Variants in TRIM68 observed in about 807,000 individuals in gnomAD.
TRIM68 encodes the protein E3 ubiquitin-protein ligase TRIM68.
A neutral mutation model predicts 41.9 loss-of-function variants in TRIM68; 36 were observed. That is an observed-to-expected ratio of 0.86 (90% CI 0.66 to 1.14). The LOEUF (loss-of-function observed/expected upper bound fraction) is 1.14. Among genes scored for constraint, TRIM68 ranks in the 50% most tolerant of loss-of-function variants. The pLI, the probability that TRIM68 is intolerant of heterozygous loss-of-function variation, is 0.00. For synonymous variants in TRIM68, 225 were observed against 224.6 expected (o/e 1.00, Z -0.02); for missense variants, 632 against 605.1 (o/e 1.04, Z -0.47).
chr11:4,600,533 C>T lies in TRIM68; in HGVS notation c.1201G>A (p.Gly401Arg), dbSNP rs780475711. ...YGFWVIRLRK[G>R]NEYRAGTDEY... ...TCGGTGCCTGCTCGGTACTCATTTC[C>T]CTTCCTCAGCCTTATCACCCAGAAT... Residue 401 changes from glycine to arginine, a missense_variant, in exon 7 of 7, where the codon GGA becomes AGA. Physicochemically the swap from Gly to Arg is moderately radical, Grantham distance 125 (BLOSUM62 -2). Transcript: ENST00000300747. 14 of 1,614,046 alleles carry T rather than the reference C, an allele frequency of 8.7e-6. No individual in the cohort carries two copies. The highest frequency in any genetic ancestry group is 1.1e-5 in the Non-Finnish European group (13 of 1,179,986).
intron 1 of TRIM68, among the ~76,000 whole-genome samples, chr11:4,605,976 G>T (rs1275790612): frequency 6.6e-6 from 1 of 152,164 alleles, no homozygotes; most frequent in Non-Finnish European, 1.5e-5. Context: ...TCACTCTCTG[G>T]TATGTTTATA....
At chr11:4,603,927 C>A (rs1054732298) in intron 2 of TRIM68, among the ~76,000 whole-genome samples, 1 of 152,166 alleles carries the variant, frequency 6.6e-6, no homozygotes, top group Admixed American at 6.5e-5. Context: ...AAAATAGCAA[C>A]TATTTTGTTA....
At chr11:4,601,566 G>T in intron 5 of TRIM68, 98 bp downstream of exon 5, 2 of 1,314,102 alleles carry the variant, frequency 1.5e-6, no homozygotes, top group Non-Finnish European at 2.2e-6. Context: ...CTGCTTTTCT[G>T]TGTGCACCGA....
At position 4,605,006 on chromosome 11, in the gene TRIM68, G is replaced by C. The variant is rs1489433690; in HGVS notation, c.426+73C>G. ...TAGCTCTCAGTCTGTGGTGCTGGTG[G>C]TCAAGCCCTTGATCTAGAAACAGCC... On this transcript the variant is annotated intron_variant, in intron 2 of 6. Coordinates refer to ENST00000300747, the MANE Select transcript of TRIM68 (RefSeq NM_018073.8). 2.0e-6 allele frequency: 3 copies of C among 1,537,724 alleles called. No individual in the cohort carries two copies. The African/African-American group carries it at 4.1e-5, about 21-fold the overall frequency.
intron 1 of TRIM68, among the ~76,000 whole-genome samples, 191 bp downstream of exon 1, chr11:4,607,836 C>A (rs1846591069): frequency 6.6e-6 from 1 of 152,072 alleles, no homozygotes; most frequent in East Asian, 1.9e-4. Flanking sequence ...GAGAAGGGGG[C>A]GGGGCCTGGA....
Position 4,602,185 on chromosome 11 carries a change from C to T in TRIM68, c.750G>A (p.Glu250=). ...VLWRMIAELK[E]RSQRPVRWML... ...TCCAGCGGACAGGCCTCTGCGACCT[C>T]TCTTTCAACTCTGCAATCATCCTCC... Residue 250 remains glutamate (E), a synonymous_variant, in exon 4 of 7, where the codon GAG becomes GAA. Transcript: ENST00000300747. 1.2e-6 allele frequency: 2 copies of T among 1,614,178 alleles called. No homozygotes were observed. The highest frequency in any genetic ancestry group is 1.7e-6 in the Non-Finnish European group (2 of 1,180,020).
At chr11:4,603,016 G>T (rs76644062) in intron 3 of TRIM68, among the ~76,000 whole-genome samples, 5,748 of 152,280 alleles carry the variant, frequency 0.038, 138 homozygotes, top group Non-Finnish European at 0.061. Context: ...TTCTCATATA[G>T]GAGGATACAA....
In TRIM68 at chr11:4,605,318, G is replaced by A. The variant is rs779552157; in HGVS notation, c.187C>T (p.Pro63Ser). 3.7e-6 allele frequency: 6 copies of A among 1,614,256 alleles called. No individual in the cohort carries two copies. The South Asian group carries it at 5.5e-5, about 15-fold the overall frequency. ...WGYTCPLCRA[P>S]VQPRNLRPNW... ...GGCCGCAGGTTCCTTGGCTGGACAGGAGCTCGACAGAGGGGACAGGTGTAA... is the reference window on the plus strand; with the variant it reads ...GGCCGCAGGTTCCTTGGCTGGACAGAAGCTCGACAGAGGGGACAGGTGTAA... Residue 63 changes from proline to serine, a missense_variant, in exon 2 of 7, where the codon CCT becomes TCT. By Grantham distance (74) the Pro-to-Ser change is moderately conservative. Coordinates refer to ENST00000300747, the MANE Select transcript of TRIM68 (RefSeq NM_018073.8).
At chr11:4,604,693 C>G (rs1219945921) in intron 2 of TRIM68, among the ~76,000 whole-genome samples, 1 of 152,206 alleles carries the variant, frequency 6.6e-6, no homozygotes, top group African/African-American at 2.4e-5. Flanking sequence ...TGACTACTTG[C>G]AGCACTGCTA....
chr11:4,606,767 A>T (rs1316886547), intron 1 of TRIM68, among the ~76,000 whole-genome samples: 1 of 152,230 alleles, frequency 6.6e-6, no homozygotes, highest in Admixed American at 6.5e-5. Context: ...TATCTTGGGC[A>T]AATTTCTTAA....
intron 2 of TRIM68, among the ~76,000 whole-genome samples, chr11:4,604,660 G>A (rs1209604485): frequency 6.6e-6 from 1 of 152,164 alleles, no homozygotes; most frequent in Non-Finnish European, 1.5e-5. Flanking sequence ...ATGAAGGAGG[G>A]AAGTGATCCA....
intron 3 of TRIM68, 134 bp downstream of exon 3, chr11:4,603,111 A>C (rs1233337107): frequency 1.2e-6 from 1 of 825,442 alleles, no homozygotes; most frequent in African/African-American, 1.7e-5. Flanking sequence ...CAGAGAAAGC[A>C]GGGATTAGAA....
chr11:4,600,472 C>A lies in TRIM68; in HGVS notation c.1262G>T (p.Arg421Leu), dbSNP rs143749633. 4 of 1,613,142 alleles carry A rather than the reference C, an allele frequency of 2.5e-6. No individual in the cohort carries two copies. Among genetic ancestry groups the A allele is most frequent in the Non-Finnish European group, 2.5e-6 (3 of 1,179,504 alleles). The change falls in exon 7 of 7, where the codon CGC becomes CTC. Residue 421 changes from arginine to leucine, a missense_variant. Physicochemically the swap from Arg to Leu is moderately radical, Grantham distance 102. Coordinates refer to ENST00000300747, the MANE Select transcript of TRIM68 (RefSeq NM_018073.8). ...ATAATCCACGAAGATTCCCACCCGG[C>A]GAGGAGGGACCGGCAAGGACAGGAT... ...YPILSLPVPP[R>L]RVGIFVDYEA... is the part of the protein sequence containing the mutation.
chr11:4,601,627 A>G, intron 5 of TRIM68, 37 bp downstream of exon 5: 1 of 1,613,236 alleles, frequency 6.2e-7, no homozygotes, highest in Non-Finnish European at 8.5e-7. Context: ...ACTATCCCCT[A>G]CAGGGCTGCT....
Position 4,599,961 on chromosome 11 carries a change from G to A in TRIM68, c.*315C>T. On this transcript the variant is annotated 3_prime_UTR_variant, in exon 7 of 7. Transcript: ENST00000300747. ...CCGGACGGGAATCAGGGAAGAGGGT[G>A]GTTGGCTACTACATGGACAAAGTCC... 1 of 248,154 alleles carries A rather than the reference G, an allele frequency of 4.0e-6. No homozygotes were observed. Among genetic ancestry groups the A allele is most frequent in the Non-Finnish European group, 7.7e-6 (1 of 129,342 alleles). 15.4% of individuals were successfully genotyped at this position (248,154 alleles called of 1,614,324 possible).
At chr11:4,601,227 A>AC (rs1846485460) in intron 5 of TRIM68, 100 bp from the exon 6 acceptor site, 6 of 895,810 alleles carry the variant, frequency 6.7e-6, no homozygotes, top group Non-Finnish European at 1.1e-5. Context: ...GACATAGTGA[A>AC]CCCCAGCAAA....
Position 4,603,325 on chromosome 11 carries a change from C to T in TRIM68, c.442G>A (p.Ala148Thr). ...TGCTCTTTCTTCAGATGTTCGAGGG[C>T]CTCATGAAGTTCCCACTGCAAGAGA... ...AWEYKWELHE[A>T]LEHLKKEQEE... The change falls in exon 3 of 7, where the codon GCC (alanine) becomes ACC (threonine). Residue 148 changes from alanine to threonine, a missense_variant. Transcript: ENST00000300747. The T allele has an allele frequency of 2.5e-6, 4 of 1,614,160 alleles. No individual in the cohort carries two copies. The highest frequency in any genetic ancestry group is 3.4e-6 in the Non-Finnish European group (4 of 1,180,026).
At chr11:4,605,813 G>A (rs770146490) in intron 1 of TRIM68, among the ~76,000 whole-genome samples, 13 of 152,084 alleles carry the variant, frequency 8.5e-5, no homozygotes, top group Non-Finnish European at 1.5e-4. Context: ...TCATTCACTT[G>A]GTCAACTCTG....
rs1242058354 is a variant in TRIM68 at position 4,602,269 on chromosome 11, C to G, written c.666G>C (p.Glu222Asp). The G allele has an allele frequency of 1.2e-6, 2 of 1,614,178 alleles. No individual in the cohort carries two copies. Among genetic ancestry groups the G allele is most frequent in the Non-Finnish European group, 1.7e-6 (2 of 1,180,008 alleles). ...GGTTCAACTCCAGTTTCTGCATGGTCTCCGCTGCCTCCCGCTGTAGGCTGG... is the reference window on the plus strand; with the variant it reads ...GGTTCAACTCCAGTTTCTGCATGGTGTCCGCTGCCTCCCGCTGTAGGCTGG... ...ALASLQREAA[E>D]TMQKLELNHS... The change falls in exon 4 of 7, where the codon GAG becomes GAC. Residue 222 changes from glutamate (E) to aspartate (D), a missense_variant. By Grantham distance (45) the Glu-to-Asp change is conservative. Coordinates refer to ENST00000300747, the MANE Select transcript of TRIM68 (RefSeq NM_018073.8).
Sources: gnomAD v4.1 joint callset for allele counts (sites outside exome capture counted in the v4.1 genomes callset) on GRCh38, gnomAD v4.1.1 for gene constraint, MANE v1.5 for transcripts, NCBI Gene and HGNC (gene_info 2026-07-23, HGNC 2026-07-21) for gene names.